The following NLGN1 variants were observed in gnomAD, a reference collection of about 807,000 sequenced individuals.
NLGN1 encodes the protein neuroligin 1, also known as neuroligin-1.
NLGN1 carries 12 observed loss-of-function variants against 65.5 expected under a neutral mutation model. The ratio of observed to expected loss-of-function variants is 0.18; its 90% CI spans 0.12 to 0.30. The LOEUF (loss-of-function observed/expected upper bound fraction) is 0.30, where lower values mean the gene tolerates loss of function less well. Ranked by LOEUF, NLGN1 falls within the 10% of genes least tolerant of loss-of-function variation. The pLI, the probability that NLGN1 is intolerant of heterozygous loss-of-function variation, is 1.00. For missense variants in NLGN1, 750 were observed against 1,007.1 expected (o/e 0.74, Z 3.46); for synonymous variants, 350 against 359.5 (o/e 0.97, Z 0.30).
intron 4 of NLGN1, among the ~76,000 whole-genome samples, chr3:173,913,364 A>G (rs1257366308): frequency 6.6e-6 from 1 of 152,212 alleles, no homozygotes; most frequent in Admixed American, 6.5e-5. Context: ...ATGTGGGAAT[A>G]GCAGCTATAA....
At chr3:173,440,423 C>G (rs546676940) in intron 2 of NLGN1, among the ~76,000 whole-genome samples, 6 of 152,116 alleles carry the variant, frequency 3.9e-5, no homozygotes, top group African/African-American at 1.4e-4. Flanking sequence ...ATTTACTTTG[C>G]CCAGATCCAT....
At chr3:173,472,794 A>G (rs903337045) in intron 2 of NLGN1, among the ~76,000 whole-genome samples, 2 of 152,084 alleles carry the variant, frequency 1.3e-5, no homozygotes, top group African/African-American at 4.8e-5. Flanking sequence ...GCATTTTTCA[A>G]TTGTCGACCT....
At chr3:173,774,475 A>G (rs982269275) in intron 3 of NLGN1, among the ~76,000 whole-genome samples, 5 of 152,080 alleles carry the variant, frequency 3.3e-5, no homozygotes, top group African/African-American at 1.2e-4. Context: ...GACTCCTGTT[A>G]TTGGTCTGGC....
chr3:174,252,197 G>A (rs1037539984), intron 4 of NLGN1, among the ~76,000 whole-genome samples: 13 of 152,000 alleles, frequency 8.6e-5, no homozygotes, highest in African/African-American at 2.9e-4. Flanking sequence ...ATAAAGAAAC[G>A]GATTTTTGCC....
intron 4 of NLGN1, among the ~76,000 whole-genome samples, chr3:173,870,292 A>G (rs993079049): frequency 2.0e-5 from 3 of 152,212 alleles, no homozygotes; most frequent in Non-Finnish European, 4.4e-5. Flanking sequence ...TCCAATAACT[A>G]TGAATTCCAT....
chr3:173,416,490 GT>G (rs1713822583), intron 1 of NLGN1, among the ~76,000 whole-genome samples: 1 of 152,124 alleles, frequency 6.6e-6, no homozygotes, highest in South Asian at 2.1e-4. Context: ...TGTGTGAGTT[GT>G]TTTCCCTAAC....
intron 2 of NLGN1, among the ~76,000 whole-genome samples, chr3:173,594,839 G>C (rs1749176830): frequency 6.6e-6 from 1 of 152,200 alleles, no homozygotes. Context: ...CCACATGAAA[G>C]CTGCCAAGGC....
chr3:174,280,529 A>C lies in NLGN1; in HGVS notation c.1698A>C (p.Lys566Asn). The C allele has an allele frequency of 1.2e-6, 2 of 1,612,782 alleles. No individual in the cohort carries two copies. The highest frequency in any genetic ancestry group is 1.7e-6 in the Non-Finnish European group (2 of 1,179,290). The stretch of plus-strand genomic sequence containing the variant: ...AAGACACGAAATTCATTCATACCAA[A>C]CCCAACCGTTTTGAAGAAGTAGCAT... Residue 566 changes from lysine (K) to asparagine (N), a missense_variant, in exon 7 of 7, where the codon AAA becomes AAC. Coordinates refer to ENST00000457714, the Ensembl canonical transcript of NLGN1. The surrounding 1 kb of genome is among the most constrained non-coding windows in gnomAD (Gnocchi z 4.9).
At chr3:174,088,079 T>G (rs994743913) in intron 4 of NLGN1, among the ~76,000 whole-genome samples, 1 of 152,218 alleles carries the variant, frequency 6.6e-6, no homozygotes, top group African/African-American at 2.4e-5. Context: ...TTTTGTTTTT[T>G]CCTCAAATGC....
intron 4 of NLGN1, among the ~76,000 whole-genome samples, chr3:174,205,395 A>G (rs1027743381): frequency 6.6e-6 from 1 of 152,148 alleles, no homozygotes; most frequent in Non-Finnish European, 1.5e-5. Flanking sequence ...CACTTAGTAC[A>G]TAAAACTCTC....
chr3:173,749,055 T>C (rs1458141017), intron 3 of NLGN1, among the ~76,000 whole-genome samples: 2 of 152,098 alleles, frequency 1.3e-5, no homozygotes, highest in African/African-American at 4.8e-5. Context: ...TTGCATTTTC[T>C]GTATGCTTGA....
At chr3:173,635,574 G>T (rs941957500) in intron 3 of NLGN1, among the ~76,000 whole-genome samples, 15 of 152,076 alleles carry the variant, frequency 9.9e-5, no homozygotes, top group African/African-American at 3.6e-4. Flanking sequence ...TTTTTCTAAA[G>T]AAAATGATTT....
chr3:173,806,426 A>G (rs978285049), intron 3 of NLGN1, among the ~76,000 whole-genome samples: 3 of 152,170 alleles, frequency 2.0e-5, no homozygotes, highest in Non-Finnish European at 4.4e-5. Flanking sequence ...GTTAAAAGTG[A>G]TAAAAAATTT....
chr3:173,810,272 A>G (rs986268461), intron 4 of NLGN1, among the ~76,000 whole-genome samples: 1 of 152,218 alleles, frequency 6.6e-6, no homozygotes, highest in African/African-American at 2.4e-5. Flanking sequence ...AACTGCAACA[A>G]TAAAGACTGT....
chr3:174,243,630 T>TG (rs1743286048), intron 4 of NLGN1, among the ~76,000 whole-genome samples: 1 of 152,196 alleles, frequency 6.6e-6, no homozygotes, highest in African/African-American at 2.4e-5. Context: ...CCCATAAGGT[T>TG]GGTTATATTG....
intron 3 of NLGN1, among the ~76,000 whole-genome samples, chr3:173,614,584 T>C (rs1004303185): frequency 3.9e-5 from 6 of 152,094 alleles, no homozygotes; most frequent in Admixed American, 3.9e-4. Flanking sequence ...AGAACTGATA[T>C]GTTGCTTTGG....
At chr3:173,616,096 C>CT in intron 3 of NLGN1, among the ~76,000 whole-genome samples, 1 of 104,912 alleles carries the variant, frequency 9.5e-6, no homozygotes, top group East Asian at 2.9e-4. Context: ...GGAGAGGTAT[C>CT]TGTGGTTTGA....
At chr3:173,697,632 A>G (rs1766425448) in intron 3 of NLGN1, among the ~76,000 whole-genome samples, 2 of 151,882 alleles carry the variant, frequency 1.3e-5, no homozygotes, top group Non-Finnish European at 1.5e-5. Flanking sequence ...GGTTCAAGTG[A>G]TTCTCCTGCC....
intron 4 of NLGN1, among the ~76,000 whole-genome samples, chr3:174,225,584 C>T (rs1221717120): frequency 6.6e-6 from 1 of 152,118 alleles, no homozygotes; most frequent in East Asian, 1.9e-4. Context: ...ACAAAAAATT[C>T]TCTGGGCGTG....
Sources: allele counts gnomAD v4.1 joint callset (sites outside exome capture counted in the v4.1 genomes callset), GRCh38; gene constraint gnomAD v4.1.1; non-coding constraint Gnocchi (gnomAD v3.1); transcripts MANE v1.5; gene names NCBI Gene and HGNC (gene_info 2026-07-23, HGNC 2026-07-21).